Variants in SLIT3 observed in about 807,000 individuals in gnomAD.
SLIT3 encodes the protein slit homolog 3 protein.
Under a neutral mutation model 184.0 loss-of-function variants are expected in SLIT3, and 68 were observed. The observed-to-expected ratio is 0.37, with a 90% CI of 0.30 to 0.45. SLIT3 has a LOEUF of 0.45. SLIT3 is among the 20% of genes least tolerant of loss of function. SLIT3 has a pLI of 1.00. For synonymous variants in SLIT3, 831 were observed against 828.6 expected (o/e 1.00, Z -0.05); for missense variants, 1,707 against 2,026.0 (o/e 0.84, Z 3.02).
intron 4 of SLIT3, among the ~76,000 whole-genome samples, chr5:169,136,630 A>G (rs1004975422): frequency 6.6e-6 from 1 of 152,090 alleles, no homozygotes; most frequent in African/African-American, 2.4e-5. Context: ...AAACTTGGTG[A>G]CCTCTGGCCC....
At chr5:168,763,260 A>G (rs1755222743) in intron 14 of SLIT3, among the ~76,000 whole-genome samples, 1 of 152,122 alleles carries the variant, frequency 6.6e-6, no homozygotes, top group Non-Finnish European at 1.5e-5. Flanking sequence ...ATAAATGACC[A>G]TCGACGCCTG....
chr5:169,258,831 G>A (rs1211085948), intron 1 of SLIT3, among the ~76,000 whole-genome samples: 2 of 152,162 alleles, frequency 1.3e-5, no homozygotes, highest in East Asian at 1.9e-4. Context: ...TCTTCCAGCT[G>A]TGGCACATCT....
intron 29 of SLIT3, among the ~76,000 whole-genome samples, chr5:168,688,770 T>C (rs920670702): frequency 6.6e-6 from 1 of 152,234 alleles, no homozygotes; most frequent in Admixed American, 6.5e-5. Flanking sequence ...ATGTGCTCAA[T>C]ACAGCACCAT....
chr5:168,904,831 G>A (rs1760991829), intron 4 of SLIT3, among the ~76,000 whole-genome samples: 1 of 152,072 alleles, frequency 6.6e-6, no homozygotes, highest in Admixed American at 6.6e-5. Context: ...GACATTCCTG[G>A]GGTTTTCTCA....
chr5:169,181,084 A>T (rs1199016806), intron 4 of SLIT3, among the ~76,000 whole-genome samples: 2 of 152,242 alleles, frequency 1.3e-5, no homozygotes, highest in Non-Finnish European at 2.9e-5. Context: ...ATTATGAGCC[A>T]AGAAGTCAAA....
chr5:168,926,288 A>G (rs1042827493), intron 4 of SLIT3, among the ~76,000 whole-genome samples: 4 of 152,374 alleles, frequency 2.6e-5, no homozygotes, highest in South Asian at 4.1e-4. Context: ...TTCCCAGAGC[A>G]GGACGGATGC....
At chr5:169,007,672 A>G (rs966374811) in intron 4 of SLIT3, among the ~76,000 whole-genome samples, 5 of 152,220 alleles carry the variant, frequency 3.3e-5, no homozygotes, top group Admixed American at 1.3e-4. Context: ...AGTTTTAACT[A>G]TCTTCACTTT....
chr5:169,252,849 A>G (rs1231590921), intron 1 of SLIT3, among the ~76,000 whole-genome samples: 4 of 152,174 alleles, frequency 2.6e-5, no homozygotes, highest in African/African-American at 9.6e-5. Flanking sequence ...AGATTCCAGC[A>G]CTTTATATAT....
At chr5:169,260,605 G>A (rs1438833204) in intron 1 of SLIT3, among the ~76,000 whole-genome samples, 4 of 152,112 alleles carry the variant, frequency 2.6e-5, no homozygotes, top group Non-Finnish European at 5.9e-5. Flanking sequence ...ATGGTCTTGG[G>A]TTCTACAGTA....
At chr5:169,187,866 T>C (rs1320754940) in intron 4 of SLIT3, among the ~76,000 whole-genome samples, 1 of 120,792 alleles carries the variant, frequency 8.3e-6, no homozygotes, top group African/African-American at 2.7e-5. Context: ...AACGATAAAT[T>C]CTTAAAAAAA....
At chr5:168,819,866 G>A (rs1449785245) in intron 7 of SLIT3, among the ~76,000 whole-genome samples, 3 of 152,224 alleles carry the variant, frequency 2.0e-5, no homozygotes, top group South Asian at 2.1e-4. Flanking sequence ...CCTCCCAAGA[G>A]CACCAGAGGA....
intron 4 of SLIT3, among the ~76,000 whole-genome samples, chr5:169,171,868 G>A (rs1386343591): frequency 6.6e-6 from 1 of 152,210 alleles, no homozygotes; most frequent in Non-Finnish European, 1.5e-5. Context: ...GAATGCCTAA[G>A]GGGCCTACGG....
At chr5:169,294,384 A>G (rs1767440644) in intron 1 of SLIT3, among the ~76,000 whole-genome samples, 1 of 152,170 alleles carries the variant, frequency 6.6e-6, no homozygotes, top group Admixed American at 6.5e-5. Context: ...AAAGATATAA[A>G]CCACTTTCAC....
intron 6 of SLIT3, among the ~76,000 whole-genome samples, chr5:168,832,330 C>T (rs1757907264): frequency 6.6e-6 from 1 of 152,152 alleles, no homozygotes; most frequent in South Asian, 2.1e-4. Context: ...TGGTGCCTAG[C>T]CAGTAAGAGA....
chr5:168,930,908 G>C (rs946736845), intron 4 of SLIT3, among the ~76,000 whole-genome samples: 1 of 151,946 alleles, frequency 6.6e-6, no homozygotes, highest in Admixed American at 6.6e-5. Context: ...GTGGGCTTTT[G>C]GACCCAGTGA....
chr5:168,666,857 C>T, intron 35 of SLIT3, 168 bp from the exon 36 acceptor site: 1 of 1,126,838 alleles, frequency 8.9e-7, no homozygotes, highest in South Asian at 1.3e-5. Flanking sequence ...ATTTTACAAA[C>T]AGGTGCCTTT....
chr5:168,777,894 G>A (rs1382494264), intron 12 of SLIT3, among the ~76,000 whole-genome samples: 1 of 152,236 alleles, frequency 6.6e-6, no homozygotes, highest in Non-Finnish European at 1.5e-5. Flanking sequence ...TCCATGAAAG[G>A]AGCTCTTAGC....
At chr5:168,904,114 C>A (rs1207526113) in intron 4 of SLIT3, among the ~76,000 whole-genome samples, 1 of 152,132 alleles carries the variant, frequency 6.6e-6, no homozygotes, top group Non-Finnish European at 1.5e-5. Flanking sequence ...CTGTGTCCAG[C>A]GCCCTCCTCA....
At chr5:169,021,891 A>G (rs925955600) in intron 4 of SLIT3, among the ~76,000 whole-genome samples, 3 of 152,248 alleles carry the variant, frequency 2.0e-5, no homozygotes, top group African/African-American at 7.2e-5. Flanking sequence ...AAAATGAAAC[A>G]TTCAGTTCAT....
Sources: gnomAD v4.1 joint callset for allele counts (sites outside exome capture counted in the v4.1 genomes callset) on GRCh38, gnomAD v4.1.1 for gene constraint, MANE v1.5 for transcripts, NCBI Gene and HGNC (gene_info 2026-07-23, HGNC 2026-07-21) for gene names.